The following GMEB2 variants were observed in gnomAD, a reference collection of about 807,000 sequenced individuals.
The protein encoded by GMEB2 is glucocorticoid modulatory element-binding protein 2.
GMEB2 carries 7 observed loss-of-function variants against 45.7 expected under a neutral mutation model. The ratio of observed to expected loss-of-function variants is 0.15; its 90% confidence interval spans 0.09 to 0.29. The LOEUF (loss-of-function observed/expected upper bound fraction) is 0.29. GMEB2 is among the 10% of genes least tolerant of loss of function. The probability of loss-of-function intolerance (pLI) is 1.00; values close to 1 mark genes in which losing one functional copy is unlikely to be tolerated. For synonymous variants in GMEB2, 322 were observed against 323.6 expected (o/e 1.00, Z 0.05); for missense variants, 582 against 739.2 (o/e 0.79, Z 2.47).
chr20:63,620,827 T>C (rs550697269), intron 1 of GMEB2, among the ~76,000 whole-genome samples: 18 of 152,146 alleles, frequency 1.2e-4, no homozygotes, highest in African/African-American at 3.9e-4. Flanking sequence ...AGTCAAAGCA[T>C]CCAGAACACG....
intron 2 of GMEB2, among the ~76,000 whole-genome samples, chr20:63,609,624 A>C (rs75998456): frequency 1.1e-4 from 1 of 8,860 alleles, no homozygotes; most frequent in East Asian, 9.5e-4. Flanking sequence ...CTCACCCCAC[A>C]TCCATTTCTA....
intron 1 of GMEB2, among the ~76,000 whole-genome samples, chr20:63,621,922 G>C (rs1476856823): frequency 1.3e-5 from 2 of 151,418 alleles, no homozygotes; most frequent in African/African-American, 4.9e-5. Context: ...TCAGGGGTTT[G>C]AGACCAGCCT....
At chr20:63,615,857 A>C (rs2089604719) in intron 2 of GMEB2, among the ~76,000 whole-genome samples, 2 of 152,160 alleles carry the variant, frequency 1.3e-5, no homozygotes. Flanking sequence ...GGTGCTTTTC[A>C]ACATGTACGT....
At chr20:63,626,045 A>C (rs1416900428) in intron 1 of GMEB2, among the ~76,000 whole-genome samples, 1 of 152,282 alleles carries the variant, frequency 6.6e-6, no homozygotes, top group Non-Finnish European at 1.5e-5. Context: ...TGAATTACAC[A>C]GTAACCAAAT....
intron 5 of GMEB2, among the ~76,000 whole-genome samples, chr20:63,596,200 T>C (rs766088720): frequency 3.9e-5 from 6 of 152,206 alleles, no homozygotes; most frequent in East Asian, 1.9e-4. Context: ...ACCTTCCTCC[T>C]TCTAAAGGCA....
chr20:63,612,454 C>T (rs1017590264), intron 2 of GMEB2, among the ~76,000 whole-genome samples: 1 of 152,166 alleles, frequency 6.6e-6, no homozygotes, highest in Admixed American at 6.5e-5. Context: ...CACCCAGACC[C>T]GACGTGGCCA....
intron 1 of GMEB2, among the ~76,000 whole-genome samples, chr20:63,625,283 C>T (rs1257997696): frequency 6.6e-6 from 1 of 151,936 alleles, no homozygotes; most frequent in Admixed American, 6.6e-5. Flanking sequence ...TGAAGTGATT[C>T]TCCTGCCTCA....
intron 2 of GMEB2, among the ~76,000 whole-genome samples, chr20:63,613,166 C>A (rs2089583499): frequency 6.6e-6 from 1 of 152,198 alleles, no homozygotes; most frequent in Non-Finnish European, 1.5e-5. Flanking sequence ...ATAAACAGAG[C>A]AAGCAAGAGA....
intron 2 of GMEB2, among the ~76,000 whole-genome samples, chr20:63,611,337 G>C (rs1405297508): frequency 1.3e-5 from 2 of 152,272 alleles, no homozygotes; most frequent in African/African-American, 4.8e-5. Flanking sequence ...AACAGGCTGG[G>C]CGTGGTGGCT....
At chr20:63,613,663 C>T (rs1198129645) in intron 2 of GMEB2, among the ~76,000 whole-genome samples, 3 of 152,070 alleles carry the variant, frequency 2.0e-5, no homozygotes, top group Non-Finnish European at 2.9e-5. Context: ...TACAGGCGCC[C>T]GCCACCACGC....
Position 63,589,528 on chromosome 20 carries a change from A to G in GMEB2, c.*561T>C, listed in dbSNP as rs1476279907. ...CCCAAGCTCCGGGTGCATGTTCCCA[A>G]CTGGAGGAGAACGGGGCGCCAGCCA... On this transcript the variant is annotated 3_prime_UTR_variant, in exon 10 of 10. Coordinates refer to ENST00000370077, the MANE Select transcript of GMEB2 (RefSeq NM_012384.5). 3.4e-5 allele frequency: 8 copies of G among 237,386 alleles called. No individual in the cohort carries two copies. The highest frequency in any genetic ancestry group is 1.3e-4 in the African/African-American group (6 of 44,838). 14.7% of individuals were successfully genotyped at this position (237,386 alleles called of 1,614,324 possible). A position where few individuals can be genotyped will look rare whatever the true frequency, so the allele number is the denominator to read the frequency against.
chr20:63,588,433 GAACTC>G lies in GMEB2; in HGVS notation c.*1651_*1655del, dbSNP rs2083113344. ...TAGGGTCATACCGCTGCATGCTGCA[GAACTC>G]AACTAGAGTGGAAATGAGTTTAAAA... On this transcript the variant is annotated 3_prime_UTR_variant, in exon 10 of 10. Transcript: ENST00000370077. 2 of 223,192 alleles carry G rather than the reference GAACTC, an allele frequency of 9.0e-6. No individual in the cohort carries two copies. The highest frequency in any genetic ancestry group is 5.8e-5 in the Admixed American group (1 of 17,144). 13.8% of individuals were successfully genotyped at this position (223,192 alleles called of 1,614,324 possible).
chr20:63,621,132 G>A (rs535763040), intron 1 of GMEB2, among the ~76,000 whole-genome samples: 34 of 152,316 alleles, frequency 2.2e-4, no homozygotes, highest in African/African-American at 7.7e-4. Flanking sequence ...AGGAGATTGA[G>A]GCTGCAATGA....
At chr20:63,623,108 G>A (rs773444477) in intron 1 of GMEB2, among the ~76,000 whole-genome samples, 2 of 152,182 alleles carry the variant, frequency 1.3e-5, no homozygotes, top group African/African-American at 2.4e-5. Flanking sequence ...AATATTCCCC[G>A]TTTCCTGTTT....
At position 63,619,269 on chromosome 20, in the gene GMEB2, G is replaced by A. The variant is rs750106970; in HGVS notation, c.129C>T (p.His43=). The part of the protein sequence containing the change: ...TVLVTTNLAP[H]GGDLTEDNME... ...ATGGCACCGAGGCCCGAGCTTACCC[G>A]TGAGGGGCCAAGTTGGTCGTCACCA... The change falls in exon 2 of 10, where the codon CAC becomes CAT. Residue 43 remains histidine, a splice_region_variant and synonymous_variant. Coordinates refer to ENST00000370077, the MANE Select transcript of GMEB2 (RefSeq NM_012384.5). The surrounding 1 kb of genome is among the most constrained non-coding windows in gnomAD (Gnocchi z 4.6). 36 of 1,609,148 alleles carry A rather than the reference G, an allele frequency of 2.2e-5. No homozygotes were observed. The highest frequency in any genetic ancestry group is 6.6e-5 in the South Asian group (6 of 90,810).
At position 63,593,558 on chromosome 20, in the gene GMEB2, T is replaced by C. The variant is rs1172343300; in HGVS notation, c.620-476A>G. Among the ~76,000 whole-genome samples, 1 of 152,014 alleles carries C rather than the reference T, an allele frequency of 6.6e-6. No homozygotes were observed. Among genetic ancestry groups the C allele is most frequent in the South Asian group, 2.1e-4 (1 of 4,810 alleles). ...TCATCATAAATCTCAGTATCTATCA[T>C]GTTTCCATTTTTCTACACCAGAACA... is the stretch of plus-strand genomic sequence containing the variant. On this transcript the variant is annotated intron_variant, in intron 6 of 9. Coordinates refer to ENST00000370077, the MANE Select transcript of GMEB2 (RefSeq NM_012384.5). The surrounding 1 kb of genome is among the most constrained non-coding windows in gnomAD (Gnocchi z 4.7).
At chr20:63,598,743 C>G (rs2083218893) in intron 4 of GMEB2, among the ~76,000 whole-genome samples, 1 of 152,186 alleles carries the variant, frequency 6.6e-6, no homozygotes, top group Non-Finnish European at 1.5e-5. Context: ...TGCGGCTGAT[C>G]AGGGAGATCC....
Position 63,588,750 on chromosome 20 carries a change from G to A in GMEB2, c.*1339C>T, listed in dbSNP as rs575787698. 3.0e-5 allele frequency: 12 copies of A among 398,730 alleles called. No individual in the cohort carries two copies. The highest frequency in any genetic ancestry group is 6.3e-4 in the Middle Eastern group (1 of 1,588). 24.7% of individuals were successfully genotyped at this position (398,730 alleles called of 1,614,324 possible). A position where few individuals can be genotyped will look rare whatever the true frequency, so the allele number is the denominator to read the frequency against. ...AACTGCCGACAGAATCAGCAGGAGC[G>A]TCCAGGGGAATCTGGCACTCAGGGT... is the stretch of plus-strand genomic sequence containing the variant. On this transcript the variant is annotated 3_prime_UTR_variant, in exon 10 of 10. Transcript: ENST00000370077.
intron 2 of GMEB2, among the ~76,000 whole-genome samples, chr20:63,614,079 A>C (rs573249323): frequency 6.6e-6 from 1 of 152,290 alleles, no homozygotes; most frequent in East Asian, 1.9e-4. Flanking sequence ...ATGGGCGGCA[A>C]GCCACCTAGG....
Sources: gnomAD v4.1 joint callset for allele counts (sites outside exome capture counted in the v4.1 genomes callset) on GRCh38, gnomAD v4.1.1 for gene constraint, Gnocchi (gnomAD v3.1) non-coding constraint, MANE v1.5 for transcripts, NCBI Gene and HGNC (gene_info 2026-07-23, HGNC 2026-07-21) for gene names.